Variants in ARHGAP15 observed in about 807,000 individuals in gnomAD.
The protein encoded by ARHGAP15 is rho GTPase-activating protein 15.
In ARHGAP15, 51 loss-of-function variants were observed where a neutral mutation model predicts 63.7. The ratio of observed to expected loss-of-function variants is 0.80; its 90% CI spans 0.64 to 1.01. The LOEUF is 1.01. Ranked by LOEUF, ARHGAP15 falls within the 50% of genes least tolerant of loss-of-function variation. ARHGAP15 has a pLI of 0.00. For synonymous variants in ARHGAP15, 191 were observed against 193.8 expected, an observed-to-expected ratio of 0.99 and a Z score of 0.12; for missense variants, 560 against 564.6, an observed-to-expected ratio of 0.99 and a Z score of 0.08.
chr2:143,624,313 C>T (rs200193121), intron 12 of ARHGAP15, 46 bp downstream of exon 12: 5 of 1,560,684 alleles, frequency 3.2e-6, no homozygotes, highest in Admixed American at 1.9e-5. Flanking sequence ...AACCTGACAT[C>T]CTGGAATTAT....
chr2:143,648,990 T>C (rs1025706132), intron 12 of ARHGAP15: 19 of 152,090 alleles, frequency 1.2e-4, no homozygotes, highest in African/African-American at 4.3e-4. Context: ...GACCTAGTAA[T>C]TTATAAGCAA....
At chr2:143,346,312 T>C (rs1685299756) in intron 6 of ARHGAP15, among the ~76,000 whole-genome samples, 1 of 150,962 alleles carries the variant, frequency 6.6e-6, no homozygotes, top group Non-Finnish European at 1.5e-5. Flanking sequence ...CATTGAACAC[T>C]CGGAAGCTCA....
chr2:143,407,159 C>T (rs1353676908), intron 6 of ARHGAP15, among the ~76,000 whole-genome samples: 1 of 151,854 alleles, frequency 6.6e-6, no homozygotes, highest in Non-Finnish European at 1.5e-5. Flanking sequence ...TTTTTTATAA[C>T]ATTTCAGGAG....
chr2:143,325,693 C>G (rs568552124), intron 6 of ARHGAP15, among the ~76,000 whole-genome samples: 9 of 152,088 alleles, frequency 5.9e-5, no homozygotes, highest in Non-Finnish European at 1.0e-4. Flanking sequence ...ATTTGGGGAC[C>G]TTGAGCTGTT....
At position 143,550,145 on chromosome 2, in the gene ARHGAP15, A is replaced by AT. The variant is rs914129941; in HGVS notation, c.926-6254dup. 1.2e-4 allele frequency among the ~76,000 whole-genome samples: 18 copies of AT among 152,010 alleles called. No individual in the cohort carries two copies. In the South Asian group the frequency reaches 1.2e-3, roughly 11 times the overall value. ...TTTACTGCTATAAGTTTAAAGAGAA[A>AT]TTTTTTTTTAATCCAAGAGCAAAAG... On this transcript the variant is annotated intron_variant, in intron 10 of 13. Transcript: ENST00000295095.
intron 2 of ARHGAP15, among the ~76,000 whole-genome samples, chr2:143,158,732 A>G (rs1255169167): frequency 1.3e-5 from 2 of 151,934 alleles, no homozygotes; most frequent in Non-Finnish European, 2.9e-5. Context: ...CGTCCTGAGC[A>G]CCAGAGTGAG....
chr2:143,291,271 TG>T (rs1439530275), intron 6 of ARHGAP15, among the ~76,000 whole-genome samples: 2 of 152,090 alleles, frequency 1.3e-5, no homozygotes, highest in African/African-American at 4.8e-5. Flanking sequence ...TTAAGTATTT[TG>T]GGGGGTACTT....
intron 11 of ARHGAP15, among the ~76,000 whole-genome samples, chr2:143,604,594 G>A (rs144399099): frequency 6.6e-6 from 1 of 152,272 alleles, no homozygotes; most frequent in African/African-American, 2.4e-5. Context: ...TGACTGAGAG[G>A]TTCCCTAATC....
chr2:143,483,739 G>T (rs1025615296), intron 8 of ARHGAP15, among the ~76,000 whole-genome samples: 4 of 152,222 alleles, frequency 2.6e-5, no homozygotes, highest in African/African-American at 9.6e-5. Context: ...AAGATGCTCA[G>T]AATGACTCTT....
intron 11 of ARHGAP15, among the ~76,000 whole-genome samples, chr2:143,563,060 G>A (rs1696092684): frequency 6.6e-6 from 1 of 152,168 alleles, no homozygotes; most frequent in Non-Finnish European, 1.5e-5. Context: ...ATCTAATGGG[G>A]AAAAGCACCA....
At chr2:143,217,380 T>TA (rs1157686445) in intron 4 of ARHGAP15, among the ~76,000 whole-genome samples, 3 of 152,190 alleles carry the variant, frequency 2.0e-5, no homozygotes, top group Non-Finnish European at 4.4e-5. Flanking sequence ...TTTCACTACT[T>TA]AAAATAGCTA....
At chr2:143,277,330 C>G (rs1043409898) in intron 6 of ARHGAP15, among the ~76,000 whole-genome samples, 1 of 151,758 alleles carries the variant, frequency 6.6e-6, no homozygotes, top group African/African-American at 2.4e-5. Context: ...GCAGACATGA[C>G]TTGTTTGCTT....
intron 6 of ARHGAP15, among the ~76,000 whole-genome samples, chr2:143,378,129 C>A (rs1191509175): frequency 1.3e-5 from 2 of 151,904 alleles, no homozygotes; most frequent in Admixed American, 6.6e-5. Context: ...GGATGCATGA[C>A]TTTGGGAGAT....
intron 9 of ARHGAP15, among the ~76,000 whole-genome samples, chr2:143,516,664 TTTAC>T (rs1693833613): frequency 6.6e-6 from 1 of 152,230 alleles, no homozygotes; most frequent in South Asian, 2.1e-4. Flanking sequence ...TAATGGGTTT[TTTAC>T]TTTATAGCAA....
intron 6 of ARHGAP15, among the ~76,000 whole-genome samples, chr2:143,265,150 A>G (rs1356124204): frequency 6.6e-6 from 1 of 152,170 alleles, no homozygotes; most frequent in Non-Finnish European, 1.5e-5. Context: ...CTCATGGAAC[A>G]GGGTGTTCAG....
chr2:143,517,504 C>A (rs1693874555), intron 9 of ARHGAP15, among the ~76,000 whole-genome samples: 1 of 152,130 alleles, frequency 6.6e-6, no homozygotes, highest in Admixed American at 6.5e-5. Context: ...AAGATGATGT[C>A]TTGCAGTCCC....
chr2:143,301,758 A>G (rs1299191832), intron 6 of ARHGAP15, among the ~76,000 whole-genome samples: 2 of 151,782 alleles, frequency 1.3e-5, no homozygotes, highest in Non-Finnish European at 1.5e-5. Flanking sequence ...GTCCATATGT[A>G]TGTATAATAC....
chr2:143,172,028 G>A (rs1690801638), intron 2 of ARHGAP15: 1 of 151,806 alleles, frequency 6.6e-6, no homozygotes, highest in Non-Finnish European at 1.5e-5. Flanking sequence ...TTTATCCTTA[G>A]CATTTCAGCT....
chr2:143,599,268 TCA>T (rs1270307175), intron 11 of ARHGAP15, among the ~76,000 whole-genome samples: 1 of 152,188 alleles, frequency 6.6e-6, no homozygotes, highest in African/African-American at 2.4e-5. Flanking sequence ...GTTAATGAAC[TCA>T]GACATTTGAA....
Sources: allele counts gnomAD v4.1 joint callset (sites outside exome capture counted in the v4.1 genomes callset), GRCh38; gene constraint gnomAD v4.1.1; transcripts MANE v1.5; gene names NCBI Gene and HGNC (gene_info 2026-07-23, HGNC 2026-07-21).